Variants in PLEKHA7 observed in about 807,000 individuals in gnomAD.
PLEKHA7 encodes pleckstrin homology domain containing A7, also known as pleckstrin homology domain-containing family A member 7.
In PLEKHA7, 104 loss-of-function variants were observed where a neutral mutation model predicts 170.0. The ratio of observed to expected loss-of-function variants is 0.61; its 90% confidence interval spans 0.52 to 0.72. The LOEUF is 0.72. Among genes scored for constraint, PLEKHA7 ranks in the 30% least tolerant of loss-of-function variants. The pLI, the probability that PLEKHA7 is intolerant of heterozygous loss-of-function variation, is 0.00. For synonymous variants in PLEKHA7, 648 were observed against 660.8 expected (o/e 0.98, Z 0.30); for missense variants, 1,615 against 1,671.7 (o/e 0.97, Z 0.59).
chr11:16,895,638 A>G (rs1019253022), intron 3 of PLEKHA7, among the ~76,000 whole-genome samples: 2 of 152,226 alleles, frequency 1.3e-5, no homozygotes, highest in African/African-American at 4.8e-5. Context: ...TCAGTGAACC[A>G]AGAACACAGA....
chr11:17,000,982 G>A, intron 3 of PLEKHA7, among the ~76,000 whole-genome samples: 1 of 152,144 alleles, frequency 6.6e-6, no homozygotes, highest in East Asian at 1.9e-4. Context: ...CCTCAACTCA[G>A]CACTAACCTC....
chr11:16,778,106 A>C lies in PLEKHA7; in HGVS notation c.*892T>G, dbSNP rs1848784003. Reference sequence around the variant, plus strand: ...CCAACATGAAGAAACCCCCGTCTCTACTAAAAATACAAAATTAGCCGGGCG... The same window carrying C: ...CCAACATGAAGAAACCCCCGTCTCTCCTAAAAATACAAAATTAGCCGGGCG... On this transcript the variant is annotated 3_prime_UTR_variant, in exon 27 of 27. Coordinates refer to ENST00000531066, the MANE Select transcript of PLEKHA7 (RefSeq NM_001329630.2). 6.6e-6 allele frequency: 1 copy of C among 152,008 alleles called. No homozygotes were observed. The highest frequency in any genetic ancestry group is 2.4e-5 in the African/African-American group (1 of 41,390). The allele number at this position is 152,008 out of a possible 1,614,324, so 9.4% of individuals were successfully genotyped here.
chr11:16,907,810 G>A (rs1462374299), intron 3 of PLEKHA7, among the ~76,000 whole-genome samples: 7 of 148,136 alleles, frequency 4.7e-5, no homozygotes, highest in African/African-American at 1.7e-4. Context: ...TGGCGGTTTT[G>A]TGGAATAGAA....
chr11:17,014,323 A>T lies in PLEKHA7; in HGVS notation c.79T>A (p.Phe27Ile). ...CGGGTCCTCGCGCCGCACTTGATGA[A>T]GAAGACGCGGCCATCCCGGCACACC... The part of the protein sequence containing the change: ...YGVCRDGRVF[F>I]INDQLRCTTW... The change falls in exon 1 of 27, where the codon TTC becomes ATC. Residue 27 changes from phenylalanine (F) to isoleucine (I), a missense_variant. Phe to Ile is a conservative substitution (Grantham distance 21). Transcript: ENST00000531066. 1.4e-6 allele frequency: 2 copies of T among 1,445,618 alleles called. No individual in the cohort carries two copies. Among genetic ancestry groups the T allele is most frequent in the Non-Finnish European group, 1.8e-6 (2 of 1,094,620 alleles). The allele number at this position is 1,445,618 out of a possible 1,614,324, so 89.5% of individuals were successfully genotyped here.
chr11:17,002,463 A>G (rs2137050373), intron 3 of PLEKHA7, among the ~76,000 whole-genome samples: 1 of 152,092 alleles, frequency 6.6e-6, no homozygotes, highest in South Asian at 2.1e-4. Context: ...GGCACCATGT[A>G]CCACGTAGAA....
chr11:16,948,206 G>T (rs1861169988), intron 3 of PLEKHA7, among the ~76,000 whole-genome samples: 1 of 152,120 alleles, frequency 6.6e-6, no homozygotes, highest in African/African-American at 2.4e-5. Context: ...TTGCTTGAAG[G>T]TTACATAATT....
chr11:16,817,108 C>A lies in PLEKHA7; in HGVS notation c.1558G>T (p.Val520Leu). 1 of 1,614,066 alleles carries A rather than the reference C, an allele frequency of 6.2e-7. No homozygotes were observed. Residue 520 changes from valine to leucine, a missense_variant, in exon 11 of 27, where the codon GTG (valine) becomes TTG (leucine). By Grantham distance (32) the Val-to-Leu change is conservative. Transcript: ENST00000531066. The surrounding 1 kb of genome is among the most constrained non-coding windows in gnomAD (Gnocchi z 4.4). ...TGCTGCCACTCGTAGAGCTGCCACA[C>A]GGTGCCATCCCGGTGCGCCCGGCGC... The part of the protein sequence containing the change: ...EERRAHRDGT[V>L]WQLYEWQQRQ...
At chr11:16,973,484 T>C (rs563075389) in intron 3 of PLEKHA7, among the ~76,000 whole-genome samples, 4 of 152,332 alleles carry the variant, frequency 2.6e-5, no homozygotes, top group African/African-American at 9.6e-5. Context: ...GAAGTTTCTC[T>C]TGGTGCCCCT....
intron 3 of PLEKHA7, among the ~76,000 whole-genome samples, chr11:16,949,906 C>T (rs372870532): frequency 3.3e-5 from 5 of 151,972 alleles, no homozygotes; most frequent in African/African-American, 1.2e-4. Context: ...AGATGAGGTT[C>T]TGAGAATGGG....
At chr11:16,852,640 A>C (rs961369153) in intron 6 of PLEKHA7, among the ~76,000 whole-genome samples, 4 of 152,218 alleles carry the variant, frequency 2.6e-5, no homozygotes, top group Admixed American at 6.5e-5. Flanking sequence ...GAAAGGAATC[A>C]GTTCTTAACA....
intron 3 of PLEKHA7, among the ~76,000 whole-genome samples, chr11:16,933,837 G>A (rs1860105899): frequency 6.6e-6 from 1 of 152,204 alleles, no homozygotes; most frequent in Admixed American, 6.5e-5. Context: ...GAGACCTTCA[G>A]TGGCTTGTAA....
chr11:16,866,187 C>G (rs1368248993), intron 4 of PLEKHA7, among the ~76,000 whole-genome samples: 2 of 152,032 alleles, frequency 1.3e-5, no homozygotes, highest in African/African-American at 4.8e-5. Flanking sequence ...TCTCTTCTCC[C>G]CTTGAAGTTT....
chr11:16,793,291 G>A (rs149057430), intron 19 of PLEKHA7, among the ~76,000 whole-genome samples: 32 of 152,348 alleles, frequency 2.1e-4, no homozygotes, highest in African/African-American at 7.2e-4. Flanking sequence ...CATTCCTGCT[G>A]TTTGTTTTGG....
At chr11:16,856,968 C>A (rs1853511694) in intron 4 of PLEKHA7, among the ~76,000 whole-genome samples, 1 of 152,172 alleles carries the variant, frequency 6.6e-6, no homozygotes, top group South Asian at 2.1e-4. Flanking sequence ...GAGGCCTGGG[C>A]AAGGACCCTG....
intron 23 of PLEKHA7, chr11:16,788,835 G>A (rs1408410075): frequency 1.3e-5 from 7 of 549,884 alleles, no homozygotes; most frequent in East Asian, 1.2e-4. Flanking sequence ...CCTCTCCATC[G>A]CGGCTGGGAG....
chr11:16,820,501 A>G (rs982125299), intron 10 of PLEKHA7, among the ~76,000 whole-genome samples: 1 of 152,200 alleles, frequency 6.6e-6, no homozygotes, highest in Non-Finnish European at 1.5e-5. Flanking sequence ...AAAGTTAGAC[A>G]CAAATGTGCC....
intron 3 of PLEKHA7, among the ~76,000 whole-genome samples, chr11:16,895,446 C>T (rs1386145781): frequency 1.3e-5 from 2 of 152,208 alleles, no homozygotes; most frequent in East Asian, 3.8e-4. Flanking sequence ...ACATCACTGA[C>T]TCTGAATCAC....
At chr11:16,890,850 T>A (rs78329534) in intron 3 of PLEKHA7, among the ~76,000 whole-genome samples, 511 of 151,808 alleles carry the variant, frequency 3.4e-3, no homozygotes, top group Non-Finnish European at 5.1e-3. Flanking sequence ...CATGAAAAAA[T>A]ATATATATAT....
intron 3 of PLEKHA7, among the ~76,000 whole-genome samples, chr11:16,981,814 T>G (rs1227500997): frequency 1.3e-5 from 2 of 152,156 alleles, no homozygotes; most frequent in African/African-American, 4.8e-5. Flanking sequence ...CACCATTGTC[T>G]CCGTCTGAAC....
Sources: allele counts gnomAD v4.1 joint callset (sites outside exome capture counted in the v4.1 genomes callset), GRCh38; gene constraint gnomAD v4.1.1; non-coding constraint Gnocchi (gnomAD v3.1); transcripts MANE v1.5; gene names NCBI Gene and HGNC (gene_info 2026-07-23, HGNC 2026-07-21).